STAU2: variants seen among roughly 807,000 people sequenced by gnomAD.
STAU2 encodes the protein staufen double-stranded RNA binding protein 2.
A neutral mutation model predicts 65.9 loss-of-function variants in STAU2; 20 were observed. That is an observed-to-expected ratio of 0.30 (90% CI 0.21 to 0.44). The LOEUF is 0.44. Ranked by LOEUF, STAU2 falls within the 20% of genes least tolerant of loss-of-function variation. STAU2 has a pLI of 1.00. For missense variants in STAU2, 558 were observed against 683.9 expected (o/e 0.82, Z 2.05); for synonymous variants, 232 against 233.9 (o/e 0.99, Z 0.07).
chr8:73,623,120 G>C (rs185883721), intron 6 of STAU2, among the ~76,000 whole-genome samples: 52 of 152,128 alleles, frequency 3.4e-4, no homozygotes, highest in Admixed American at 3.4e-3. Context: ...CAGTTTTTTT[G>C]AGTAAAGGAA....
At chr8:73,681,154 A>G (rs1818402122) in intron 5 of STAU2, among the ~76,000 whole-genome samples, 1 of 152,122 alleles carries the variant, frequency 6.6e-6, no homozygotes, top group Non-Finnish European at 1.5e-5. Flanking sequence ...TCACCTAGGC[A>G]CACAGTCAAT....
rs543685714 is a variant in STAU2, at chr8:73,536,693, T to C, written c.1530+15319A>G. 3.9e-5 allele frequency among the ~76,000 whole-genome samples: 6 copies of C among 152,180 alleles called. No individual in the cohort carries two copies. In the South Asian group the frequency reaches 1.2e-3, roughly 32 times the overall value. On this transcript the variant is annotated intron_variant, in intron 13 of 14. Coordinates refer to ENST00000524300, the MANE Select transcript of STAU2 (RefSeq NM_001164380.2). ...CAGGGTGGTGTCAATAGAGGCATGG[T>C]GGAAGGTCAGGACTTTCACCCCCAC...
intron 4 of STAU2, among the ~76,000 whole-genome samples, chr8:73,698,471 C>T (rs184694458): frequency 2.0e-5 from 3 of 151,506 alleles, no homozygotes; most frequent in African/African-American, 7.3e-5. Flanking sequence ...TCCATGGCAA[C>T]GGAAACCAAA....
chr8:73,588,547 G>T (rs1351082033), intron 11 of STAU2, among the ~76,000 whole-genome samples: 1 of 152,140 alleles, frequency 6.6e-6, no homozygotes, highest in Non-Finnish European at 1.5e-5. Context: ...CACTTCTCTA[G>T]GCCATTCTCC....
At chr8:73,589,534 G>C in intron 11 of STAU2, among the ~76,000 whole-genome samples, 1 of 152,010 alleles carries the variant, frequency 6.6e-6, no homozygotes, top group East Asian at 1.9e-4. Context: ...AGAAACCACA[G>C]AACAAAAACA....
intron 12 of STAU2, chr8:73,561,297 G>A (rs2128949377): frequency 4.3e-5 from 14 of 326,420 alleles, no homozygotes; most frequent in South Asian, 3.7e-4. Context: ...TCACTTAGTT[G>A]GCTTATTTAG....
chr8:73,677,248 G>A (rs575754468), intron 5 of STAU2, among the ~76,000 whole-genome samples: 6 of 152,224 alleles, frequency 3.9e-5, no homozygotes, highest in African/African-American at 1.2e-4. Context: ...ATGAGGATGT[G>A]GACAGCTCTC....
chr8:73,678,105 G>A (rs975587923), intron 5 of STAU2, among the ~76,000 whole-genome samples: 1 of 152,098 alleles, frequency 6.6e-6, no homozygotes, highest in African/African-American at 2.4e-5. Context: ...CAATGCACGT[G>A]AGTCTCTTTC....
Position 73,579,045 on chromosome 8 carries a change from G to A in STAU2, c.1222+3725C>T, listed in dbSNP as rs1237834451. 2.1e-5 allele frequency among the ~76,000 whole-genome samples: 3 copies of A among 142,346 alleles called. No homozygotes were observed. In the South Asian group the frequency reaches 6.8e-4, roughly 32 times the overall value. The allele number at this position is 142,346 out of a possible 152,430, so 93.4% of individuals were successfully genotyped here. A position where few individuals can be genotyped will look rare whatever the true frequency, so the allele number is the denominator to read the frequency against. Reference sequence around the variant, plus strand: ...TTCTAAATATAGTACATAGCATTTGGGAAACCAGCAGGCAATCTACCCAAT... The same window carrying A: ...TTCTAAATATAGTACATAGCATTTGAGAAACCAGCAGGCAATCTACCCAAT... On this transcript the variant is annotated intron_variant, in intron 12 of 14. Transcript: ENST00000524300.
intron 6 of STAU2, among the ~76,000 whole-genome samples, chr8:73,655,428 C>G (rs1276962477): frequency 3.3e-5 from 5 of 152,098 alleles, no homozygotes; most frequent in African/African-American, 1.2e-4. Context: ...TTGCATTTTA[C>G]TGCACTCTCT....
At position 73,688,615 on chromosome 8, in the gene STAU2, A is replaced by G. The variant is rs370330932; in HGVS notation, c.274+39T>C. Reference sequence around the variant, plus strand: ...ATGAAACATACAACAAGCAGAACACACATAGCAGACAACATAACAGAAGGA... The same window carrying G: ...ATGAAACATACAACAAGCAGAACACGCATAGCAGACAACATAACAGAAGGA... On this transcript the variant is annotated intron_variant, in intron 5 of 14. Transcript: ENST00000524300. 2.8e-5 allele frequency: 45 copies of G among 1,611,880 alleles called. No homozygotes were observed. In the African/African-American group the frequency reaches 6.0e-4, roughly 22 times the overall value.
chr8:73,507,738 G>A (rs1006714556), intron 13 of STAU2, among the ~76,000 whole-genome samples: 1 of 152,170 alleles, frequency 6.6e-6, no homozygotes, highest in African/African-American at 2.4e-5. Context: ...TCCAATAGAA[G>A]GCTGTTTTGC....
intron 3 of STAU2, among the ~76,000 whole-genome samples, chr8:73,711,023 C>T (rs1391877587): frequency 3.4e-5 from 5 of 147,998 alleles, no homozygotes; most frequent in Middle Eastern, 3.6e-3. Context: ...AAGAAAACTA[C>T]GTAAGCACCT....
At chr8:73,454,894 G>A (rs1226294502) in intron 13 of STAU2, among the ~76,000 whole-genome samples, 1 of 152,196 alleles carries the variant, frequency 6.6e-6, no homozygotes, top group African/African-American at 2.4e-5. Flanking sequence ...AGTGAGAGCT[G>A]CAGCCTATGC....
At chr8:73,647,935 T>C (rs1345635966) in intron 6 of STAU2, among the ~76,000 whole-genome samples, 3 of 152,118 alleles carry the variant, frequency 2.0e-5, no homozygotes, top group Non-Finnish European at 4.4e-5. Flanking sequence ...TGTGACAAAA[T>C]GAAACAGAAC....
intron 6 of STAU2, among the ~76,000 whole-genome samples, chr8:73,659,477 C>G (rs1221375446): frequency 6.6e-6 from 1 of 152,176 alleles, no homozygotes; most frequent in Non-Finnish European, 1.5e-5. Flanking sequence ...GCGGAGGTTG[C>G]AGTGAGCTGA....
chr8:73,442,289 G>A (rs148988793), intron 13 of STAU2, among the ~76,000 whole-genome samples: 104 of 151,120 alleles, frequency 6.9e-4, no homozygotes, highest in African/African-American at 2.5e-3. Flanking sequence ...GGAAGGTGGA[G>A]CTTGCAGTGA....
intron 13 of STAU2, chr8:73,549,819 G>A (rs1807193694): frequency 3.0e-6 from 3 of 984,818 alleles, no homozygotes; most frequent in Non-Finnish European, 3.6e-6. Flanking sequence ...TTAAGTTTCA[G>A]AAATAAAAGT....
intron 4 of STAU2, among the ~76,000 whole-genome samples, chr8:73,708,233 T>C (rs879905515): frequency 6.6e-6 from 1 of 152,212 alleles, no homozygotes; most frequent in African/African-American, 2.4e-5. Context: ...AGGATGCAAA[T>C]AACCTAATAG....
Sources: gnomAD v4.1 joint callset for allele counts (sites outside exome capture counted in the v4.1 genomes callset) on GRCh38, gnomAD v4.1.1 for gene constraint, MANE v1.5 for transcripts, NCBI Gene and HGNC (gene_info 2026-07-23, HGNC 2026-07-21) for gene names.